The following JAKMIP3 variants were observed in gnomAD, a reference collection of about 807,000 sequenced individuals.
JAKMIP3 encodes Janus kinase and microtubule interacting protein 3, also known as janus kinase and microtubule-interacting protein 3.
In JAKMIP3, 58 loss-of-function variants were observed where a neutral mutation model predicts 118.5. That is an observed-to-expected ratio of 0.49 (90% CI 0.40 to 0.61). The LOEUF is 0.61. Ranked by LOEUF, JAKMIP3 falls within the 20% of genes least tolerant of loss-of-function variation. The pLI is 0.00. For missense variants in JAKMIP3, 950 were observed against 1,109.0 expected (o/e 0.86, Z 2.04); for synonymous variants, 486 against 451.2 (o/e 1.08, Z -0.98).
intron 1 of JAKMIP3, among the ~76,000 whole-genome samples, chr10:132,088,674 G>A (rs2042719271): frequency 6.6e-6 from 1 of 152,118 alleles, no homozygotes; most frequent in Non-Finnish European, 1.5e-5. Context: ...TCACTCTGAT[G>A]GTAGTTTCTT....
intron 1 of JAKMIP3, among the ~76,000 whole-genome samples, chr10:132,080,692 T>C (rs1406688123): frequency 1.3e-5 from 2 of 151,754 alleles, no homozygotes; most frequent in African/African-American, 4.8e-5. Context: ...CAGCTAATTT[T>C]TTTTTCTAGT....
At chr10:132,162,209 C>T (rs1456000288) in intron 19 of JAKMIP3, among the ~76,000 whole-genome samples, 4 of 152,318 alleles carry the variant, frequency 2.6e-5, no homozygotes, top group African/African-American at 7.2e-5. Flanking sequence ...GGGCTAGTGC[C>T]GACTTTGCCT....
intron 19 of JAKMIP3, among the ~76,000 whole-genome samples, chr10:132,160,138 G>A (rs1260485718): frequency 1.3e-4 from 7 of 53,136 alleles, no homozygotes; most frequent in Non-Finnish European, 2.0e-4. Context: ...TGCTGGGGGG[G>A]GTCTCTTCCT....
intron 10 of JAKMIP3, 38 bp from the exon 11 acceptor site, chr10:132,141,882 T>C: frequency 6.7e-7 from 1 of 1,487,176 alleles, no homozygotes; most frequent in African/African-American, 1.4e-5. Context: ...CTACTGACAC[T>C]GTGTCTCTGT....
At chr10:132,137,870 G>A (rs1330544354) in intron 8 of JAKMIP3, among the ~76,000 whole-genome samples, 3 of 152,246 alleles carry the variant, frequency 2.0e-5, no homozygotes, top group Non-Finnish European at 4.4e-5. Flanking sequence ...TAGAAGGGGA[G>A]CTGGTAGACC....
intron 3 of JAKMIP3, among the ~76,000 whole-genome samples, chr10:132,124,736 T>C (rs1179844235): frequency 2.6e-5 from 4 of 152,244 alleles, no homozygotes; most frequent in Non-Finnish European, 5.9e-5. Context: ...GCCGCGTGCA[T>C]GCCTTTCTCT....
intron 1 of JAKMIP3, among the ~76,000 whole-genome samples, chr10:132,092,374 T>A (rs2043209579): frequency 6.6e-6 from 1 of 152,252 alleles, no homozygotes; most frequent in Non-Finnish European, 1.5e-5. Context: ...TCCAACTTGG[T>A]TCCATTCTCC....
intron 1 of JAKMIP3, among the ~76,000 whole-genome samples, chr10:132,071,652 A>G (rs1175999134): frequency 6.6e-6 from 1 of 152,154 alleles, no homozygotes; most frequent in Admixed American, 6.5e-5. Flanking sequence ...TAGGATTGGC[A>G]TGTCTTCTCA....
At chr10:132,142,627 G>T (rs1042332640) in intron 11 of JAKMIP3, among the ~76,000 whole-genome samples, 4 of 152,194 alleles carry the variant, frequency 2.6e-5, no homozygotes, top group African/African-American at 9.7e-5. Flanking sequence ...TCTGCGGGCC[G>T]TGGAGGGCAG....
chr10:132,084,158 C>T (rs1441376576), intron 1 of JAKMIP3, among the ~76,000 whole-genome samples: 1 of 152,108 alleles, frequency 6.6e-6, no homozygotes, highest in Non-Finnish European at 1.5e-5. Context: ...TGATTCTACC[C>T]ATCCATGGGT....
At chr10:132,107,797 G>A (rs554861166) in intron 2 of JAKMIP3, among the ~76,000 whole-genome samples, 1 of 152,344 alleles carries the variant, frequency 6.6e-6, no homozygotes, top group African/African-American at 2.4e-5. Flanking sequence ...AGGCTGATTC[G>A]ATTCTCGGCT....
intron 23 of JAKMIP3, chr10:132,181,444 T>C (rs2137386192): frequency 6.6e-6 from 1 of 152,148 alleles, no homozygotes; most frequent in East Asian, 1.9e-4. Flanking sequence ...AAATCCCTGT[T>C]TTACATGGGG....
At chr10:132,064,856 G>T (rs554316983), upstream of JAKMIP3, among the ~76,000 whole-genome samples, 36 of 152,288 alleles carry the variant, frequency 2.4e-4, no homozygotes, top group African/African-American at 8.4e-4. The surrounding 1 kb of genome is among the most constrained non-coding windows in gnomAD (Gnocchi z 4.4). Context: ...TTCACTCTGT[G>T]GGCTCCTCTC....
intron 1 of JAKMIP3, among the ~76,000 whole-genome samples, chr10:132,097,869 TCC>T (rs2044120240): frequency 2.0e-5 from 3 of 148,636 alleles, no homozygotes; most frequent in Non-Finnish European, 4.5e-5. Flanking sequence ...CTTCCTTCCT[TCC>T]TTCCTTTTAT....
intron 23 of JAKMIP3, among the ~76,000 whole-genome samples, chr10:132,177,742 C>CTG (rs1435837945): frequency 2.8e-5 from 4 of 141,430 alleles, no homozygotes; most frequent in African/African-American, 5.3e-5. Context: ...TGTGTGCACA[C>CTG]TGCATTTGGT....
intron 1 of JAKMIP3, among the ~76,000 whole-genome samples, chr10:132,071,895 T>TCCC (rs1373508112): frequency 2.7e-5 from 2 of 74,220 alleles, no homozygotes; most frequent in African/African-American, 1.6e-4. Flanking sequence ...TTTCTTTCCT[T>TCCC]TCTTTCTTCC....
chr10:132,133,581 A>C, intron 4 of JAKMIP3, 54 bp downstream of exon 4: 2 of 1,475,820 alleles, frequency 1.4e-6, no homozygotes, highest in East Asian at 4.9e-5. Flanking sequence ...AGACCTGGCC[A>C]TGTGGCTGCA....
intron 19 of JAKMIP3, 75 bp downstream of exon 19, chr10:132,154,065 C>T (rs1180864640): frequency 4.4e-6 from 6 of 1,373,636 alleles, no homozygotes; most frequent in Non-Finnish European, 5.2e-6. Context: ...AGGTGCCCAG[C>T]AGTGCCTCAG....
Position 132,152,951 on chromosome 10 carries a change from G to T in JAKMIP3, c.2008-7G>T. ...TGACCGCACCTGTGTTCTGCTTTTG[G>T]GTGCAGAACCTGACCAATGAGGAGC... is the stretch of plus-strand genomic sequence containing the variant. On this transcript the variant is annotated splice_region_variant and splice_polypyrimidine_tract_variant and intron_variant, in intron 16 of 23. Coordinates refer to ENST00000684848, the MANE Select transcript of JAKMIP3 (RefSeq NM_001323087.2). 6.2e-7 allele frequency: 1 copy of T among 1,601,488 alleles called. No individual in the cohort carries two copies. Among genetic ancestry groups the T allele is most frequent in the Non-Finnish European group, 8.5e-7 (1 of 1,174,316 alleles).
Sources: allele counts gnomAD v4.1 joint callset (sites outside exome capture counted in the v4.1 genomes callset), GRCh38; gene constraint gnomAD v4.1.1; non-coding constraint Gnocchi (gnomAD v3.1); transcripts MANE v1.5; gene names NCBI Gene and HGNC (gene_info 2026-07-23, HGNC 2026-07-21).